PRKN: variants seen among roughly 807,000 people sequenced by gnomAD.
PRKN encodes the protein parkin RBR E3 ubiquitin protein ligase.
Under a neutral mutation model 59.5 loss-of-function variants are expected in PRKN, and 56 were observed. The observed-to-expected ratio is 0.94, with a 90% CI of 0.76 to 1.18. The LOEUF is 1.18. Ranked by LOEUF, PRKN falls within the 50% of genes most tolerant of loss-of-function variation. The probability of loss-of-function intolerance (pLI) is 0.00; values close to 1 mark genes in which losing one functional copy is unlikely to be tolerated. For synonymous variants in PRKN, 250 were observed against 222.1 expected (o/e 1.13, Z -1.12); for missense variants, 657 against 596.4 (o/e 1.10, Z -1.06).
intron 2 of PRKN, among the ~76,000 whole-genome samples, chr6:162,437,792 A>T (rs939560301): frequency 1.3e-5 from 2 of 152,198 alleles, no homozygotes; most frequent in East Asian, 3.8e-4. Context: ...GTAATATTCT[A>T]GGGTGTGGAG....
chr6:161,569,478 T>C, intron 7 of PRKN, 62 bp from the exon 8 acceptor site: 12 of 1,403,962 alleles, frequency 8.5e-6, no homozygotes, highest in Non-Finnish European at 1.2e-5. Context: ...TATATGTTCT[T>C]ACACAGAGTT....
At chr6:161,568,029 C>G (rs1780720843) in intron 8 of PRKN, among the ~76,000 whole-genome samples, 1 of 152,186 alleles carries the variant, frequency 6.6e-6, no homozygotes, top group South Asian at 2.1e-4. Flanking sequence ...TTTATGCCTG[C>G]TATTCTGGAA....
intron 1 of PRKN, among the ~76,000 whole-genome samples, chr6:162,573,877 A>T (rs1267861054): frequency 6.6e-6 from 1 of 152,208 alleles, no homozygotes; most frequent in Non-Finnish European, 1.5e-5. Flanking sequence ...AACAAGCGTG[A>T]GGCCTGTTAG....
intron 2 of PRKN, among the ~76,000 whole-genome samples, chr6:162,306,981 T>C (rs1782257201): frequency 6.6e-6 from 1 of 152,216 alleles, no homozygotes; most frequent in South Asian, 2.1e-4. Context: ...TTCTCCAATG[T>C]TGGCATTAAA....
At chr6:162,382,440 T>C (rs1407552270) in intron 2 of PRKN, among the ~76,000 whole-genome samples, 3 of 152,310 alleles carry the variant, frequency 2.0e-5, no homozygotes, top group South Asian at 2.1e-4. Flanking sequence ...TCCTAGTGAA[T>C]AGAAATGTTA....
chr6:161,549,768 G>T lies in PRKN; in HGVS notation c.934-765C>A, dbSNP rs1779933270. 6.6e-6 allele frequency among the ~76,000 whole-genome samples: 1 copy of T among 152,072 alleles called. No homozygotes were observed. The highest frequency in any genetic ancestry group is 2.1e-4 in the South Asian group (1 of 4,816). On this transcript the variant is annotated intron_variant, in intron 8 of 11. Coordinates refer to ENST00000366898, the MANE Select transcript of PRKN (RefSeq NM_004562.3). The surrounding 1 kb of genome is among the most constrained non-coding windows in gnomAD (Gnocchi z 6.0). ...ATATAAACTCAGATCAAGTCAAATA[G>T]GTTTGCTCAATTATTAATTAAATAA...
At chr6:161,743,279 G>GTGCAA (rs1202186787) in intron 7 of PRKN, among the ~76,000 whole-genome samples, 2 of 138,990 alleles carry the variant, frequency 1.4e-5, no homozygotes, top group East Asian at 2.2e-4. Context: ...GAGTGCAGTG[G>GTGCAA]TGCAATCTCG....
intron 6 of PRKN, among the ~76,000 whole-genome samples, chr6:161,892,823 T>C (rs370277124): frequency 2.0e-5 from 3 of 152,244 alleles, no homozygotes; most frequent in African/African-American, 7.2e-5. Flanking sequence ...TTTTAGAGAA[T>C]GTACCTGGTG....
chr6:162,543,529 G>A lies in PRKN; in HGVS notation c.8-100056C>T, dbSNP rs146891129. Among the ~76,000 whole-genome samples the A allele has an allele frequency of 1.9e-3, 284 of 152,134 alleles. 1 individual carries two copies. The highest frequency in any genetic ancestry group is 6.6e-3 in the African/African-American group (272 of 41,480). ...GCCTTTGTTCTAAATTTGTATAAGT[G>A]TGTTCTAAGTTCCTCGCCTCCCCAG... On this transcript the variant is annotated intron_variant, in intron 1 of 11. Transcript: ENST00000366898.
chr6:161,451,809 T>G lies in PRKN; in HGVS notation c.1084-64932A>C, dbSNP rs1280153911. On this transcript the variant is annotated intron_variant, in intron 9 of 11. Coordinates refer to ENST00000366898, the MANE Select transcript of PRKN (RefSeq NM_004562.3). The surrounding 1 kb of genome is among the most constrained non-coding windows in gnomAD (Gnocchi z 5.9). Reference sequence around the variant, plus strand: ...GGGGACTGCTTTGGTCTTGGCAGATTTCCTGGCCAGTCCATGGAACCCTCA... The same window carrying G: ...GGGGACTGCTTTGGTCTTGGCAGATGTCCTGGCCAGTCCATGGAACCCTCA... Among the ~76,000 whole-genome samples the G allele has an allele frequency of 1.3e-5, 2 of 152,194 alleles. No individual in the cohort carries two copies. Among genetic ancestry groups the G allele is most frequent in the African/African-American group, 2.4e-5 (1 of 41,438 alleles).
At chr6:162,136,032 A>C (rs1383078816) in intron 4 of PRKN, among the ~76,000 whole-genome samples, 2 of 151,692 alleles carry the variant, frequency 1.3e-5, no homozygotes, top group Non-Finnish European at 2.9e-5. Context: ...CCCAGAATAC[A>C]TTGTACATAT....
At position 161,597,329 on chromosome 6, in the gene PRKN, A is replaced by G. The variant is rs371079450; in HGVS notation, c.872-27913T>C. 3.3e-5 allele frequency among the ~76,000 whole-genome samples: 5 copies of G among 152,334 alleles called. No individual in the cohort carries two copies. The South Asian group carries it at 1.0e-3, about 32-fold the overall frequency. On this transcript the variant is annotated intron_variant, in intron 7 of 11. Transcript: ENST00000366898. ...GGTTTTCTGTTATTGTAGCTAAAGG[A>G]AGCTGTGCTCCATGAATATTTTCAT...
chr6:162,566,314 TG>T (rs141792536), intron 1 of PRKN, among the ~76,000 whole-genome samples: 34,078 of 151,158 alleles, frequency 0.23, 4,591 homozygotes, highest in African/African-American at 0.38. Context: ...TAAATTGAAA[TG>T]AAAAAAATAC....
chr6:161,477,316 G>A (rs1791139052), intron 9 of PRKN, among the ~76,000 whole-genome samples: 1 of 152,038 alleles, frequency 6.6e-6, no homozygotes, highest in Admixed American at 6.6e-5. Flanking sequence ...TCGGGAGTTC[G>A]AGACCAGCCT....
At chr6:161,836,288 C>G (rs1011983602) in intron 6 of PRKN, among the ~76,000 whole-genome samples, 2 of 152,202 alleles carry the variant, frequency 1.3e-5, no homozygotes, top group African/African-American at 2.4e-5. Context: ...CTCATCCCAG[C>G]AGCATGCAGA....
chr6:161,677,607 C>T (rs1417380297), intron 7 of PRKN, among the ~76,000 whole-genome samples: 2 of 152,204 alleles, frequency 1.3e-5, no homozygotes, highest in East Asian at 1.9e-4. Flanking sequence ...GCAGCACACA[C>T]ACTGCACTGG....
chr6:162,256,996 C>T (rs1271227482), intron 3 of PRKN, among the ~76,000 whole-genome samples: 1 of 152,208 alleles, frequency 6.6e-6, no homozygotes, highest in Non-Finnish European at 1.5e-5. Flanking sequence ...AAAAGCAAAA[C>T]AATTCCCACA....
chr6:161,945,106 C>CT (rs5881444), intron 6 of PRKN, among the ~76,000 whole-genome samples: 8,735 of 118,964 alleles, frequency 0.073, 314 homozygotes, highest in South Asian at 0.18. Flanking sequence ...CTGAATATAA[C>CT]TTTTTTAAAA....
At chr6:162,694,122 CT>C (rs2128235623) in intron 1 of PRKN, among the ~76,000 whole-genome samples, 1 of 150,890 alleles carries the variant, frequency 6.6e-6, no homozygotes, top group South Asian at 2.1e-4. Flanking sequence ...TGGCGGGCAC[CT>C]GTAGTCCCAG....
Sources: allele counts gnomAD v4.1 joint callset (sites outside exome capture counted in the v4.1 genomes callset), GRCh38; gene constraint gnomAD v4.1.1; non-coding constraint Gnocchi (gnomAD v3.1); transcripts MANE v1.5; gene names NCBI Gene and HGNC (gene_info 2026-07-23, HGNC 2026-07-21).